The following TNR variants were observed in gnomAD, a reference collection of about 807,000 sequenced individuals.
The protein encoded by TNR is tenascin-R.
In TNR, 45 loss-of-function variants were observed where a neutral mutation model predicts 150.4. That is an observed-to-expected ratio of 0.30 (90% CI 0.24 to 0.38). TNR has a LOEUF of 0.38. TNR is among the 10% of genes least tolerant of loss of function. TNR has a pLI of 1.00. For synonymous variants in TNR, 687 were observed against 678.4 expected (o/e 1.01, Z -0.20); for missense variants, 1,544 against 1,759.1 (o/e 0.88, Z 2.19).
chr1:175,610,024 T>G (rs539272154), intron 1 of TNR, among the ~76,000 whole-genome samples: 339 of 152,240 alleles, frequency 2.2e-3, no homozygotes, highest in Non-Finnish European at 3.8e-3. Flanking sequence ...GAAAGAAAGA[T>G]AGGATGAAGA....
intron 1 of TNR, among the ~76,000 whole-genome samples, chr1:175,603,881 C>T (rs1663327481): frequency 1.3e-5 from 2 of 152,340 alleles, no homozygotes; most frequent in South Asian, 4.1e-4. Context: ...CTGCAGGCTC[C>T]TTCAGGAGAC....
intron 1 of TNR, among the ~76,000 whole-genome samples, chr1:175,693,761 C>T (rs1008830414): frequency 2.6e-5 from 4 of 152,210 alleles, no homozygotes; most frequent in Non-Finnish European, 5.9e-5. Context: ...TCATTTCCAG[C>T]AATGTGTATA....
At chr1:175,699,078 G>A (rs993367111) in intron 1 of TNR, among the ~76,000 whole-genome samples, 3 of 152,182 alleles carry the variant, frequency 2.0e-5, no homozygotes, top group African/African-American at 7.2e-5. Context: ...GGAGACAGGG[G>A]AAGTGATAAG....
chr1:175,543,354 C>T (rs1355439821), intron 1 of TNR, among the ~76,000 whole-genome samples: 1 of 152,052 alleles, frequency 6.6e-6, no homozygotes, highest in African/African-American at 2.4e-5. Context: ...GCTAAGGAAT[C>T]CTGTGAAGCT....
At chr1:175,433,878 C>A (rs1475057515) in intron 2 of TNR, among the ~76,000 whole-genome samples, 1 of 152,174 alleles carries the variant, frequency 6.6e-6, no homozygotes, top group Non-Finnish European at 1.5e-5. Flanking sequence ...ACCACAGTTG[C>A]TCCTTCAGGA....
rs574873546 is a variant in TNR, at chr1:175,443,365, C to T, written c.-63-36588G>A. Among the ~76,000 whole-genome samples the T allele has an allele frequency of 1.5e-4, 23 of 152,296 alleles. 1 individual carries two copies. The highest frequency in any genetic ancestry group is 2.6e-4 in the Admixed American group (4 of 15,294). On this transcript the variant is annotated intron_variant, in intron 2 of 22. Transcript: ENST00000367674. ...CTCTTACCTTGCACAGCAGGACGAT[C>T]GAGGCGTGAATCCTGGCCTAGGATG...
At chr1:175,623,546 C>T (rs760607728) in intron 1 of TNR, among the ~76,000 whole-genome samples, 1 of 152,218 alleles carries the variant, frequency 6.6e-6, no homozygotes, top group Non-Finnish European at 1.5e-5. Context: ...TTTCATTCCA[C>T]ATCAAGCCCC....
chr1:175,697,382 C>A (rs1325196699), intron 1 of TNR, among the ~76,000 whole-genome samples: 12 of 151,318 alleles, frequency 7.9e-5, no homozygotes, highest in Admixed American at 7.9e-4. Flanking sequence ...AAGCTCCTGA[C>A]AGACTCAATT....
chr1:175,426,483 C>T (rs1429595246), intron 2 of TNR, among the ~76,000 whole-genome samples: 1 of 152,222 alleles, frequency 6.6e-6, no homozygotes, highest in East Asian at 1.9e-4. Context: ...AGTGCAACCT[C>T]AGGAGAGCTT....
chr1:175,349,807 TA>T (rs1381224915), intron 18 of TNR, among the ~76,000 whole-genome samples: 3 of 152,312 alleles, frequency 2.0e-5, no homozygotes, highest in Middle Eastern at 3.4e-3. Flanking sequence ...TCAAATGGGA[TA>T]ATTAGTGCCC....
At chr1:175,716,739 C>T (rs144757521) in intron 1 of TNR, among the ~76,000 whole-genome samples, 18 of 152,268 alleles carry the variant, frequency 1.2e-4, no homozygotes, top group African/African-American at 4.1e-4. Context: ...GACATGAGGC[C>T]CAGGAGTTGG....
intron 1 of TNR, among the ~76,000 whole-genome samples, chr1:175,540,254 A>G (rs1660450910): frequency 6.6e-6 from 1 of 152,176 alleles, no homozygotes; most frequent in South Asian, 2.1e-4. Flanking sequence ...GCTGTGGAAG[A>G]AATCTCAGGC....
At position 175,571,182 on chromosome 1, in the gene TNR, C is replaced by A. The variant is rs557117954; in HGVS notation, c.-164-42813G>T. On this transcript the variant is annotated intron_variant, in intron 1 of 22. Transcript: ENST00000367674. ...CCATGACCTTGGCCCAGTTGAGAAGCTATCATAACATGGGACTGCTCCACC... is the reference window on the plus strand; with the variant it reads ...CCATGACCTTGGCCCAGTTGAGAAGATATCATAACATGGGACTGCTCCACC... Among the ~76,000 whole-genome samples, 4 of 152,324 alleles carry A rather than the reference C, an allele frequency of 2.6e-5. No homozygotes were observed. In the South Asian group the frequency reaches 8.3e-4, roughly 32 times the overall value.
At chr1:175,600,152 G>T (rs1663180920) in intron 1 of TNR, among the ~76,000 whole-genome samples, 1 of 152,160 alleles carries the variant, frequency 6.6e-6, no homozygotes, top group African/African-American at 2.4e-5. Context: ...TAACTCCCTT[G>T]TGTGTCAGAG....
chr1:175,538,108 GA>G (rs1340495199), intron 1 of TNR, among the ~76,000 whole-genome samples: 4 of 152,240 alleles, frequency 2.6e-5, no homozygotes, highest in Non-Finnish European at 5.9e-5. Context: ...AGCAGGCCAA[GA>G]TGTCGGAAAC....
At chr1:175,404,938 T>G (rs1449710300) in intron 3 of TNR, among the ~76,000 whole-genome samples, 1 of 152,210 alleles carries the variant, frequency 6.6e-6, no homozygotes, top group Non-Finnish European at 1.5e-5. Context: ...CCATGAAATA[T>G]TTTAGTCCTC....
At position 175,715,391 on chromosome 1, in the gene TNR, C is replaced by G. The variant is rs144000988; in HGVS notation, c.-165+27835G>C. Among the ~76,000 whole-genome samples, 165 of 152,296 alleles carry G rather than the reference C, an allele frequency of 1.1e-3. 1 individual carries two copies. The highest frequency in any genetic ancestry group is 3.8e-3 in the African/African-American group (159 of 41,566). ...TTTCCCTCCACTTCTGAGCTTGCCC[C>G]AAAGGCAGGGAGGTAAACTGAGGAC... On this transcript the variant is annotated intron_variant, in intron 1 of 22. Transcript: ENST00000367674.
In TNR at chr1:175,578,550, G is replaced by T. The variant is rs1558017400; in HGVS notation, c.-164-50181C>A. On this transcript the variant is annotated intron_variant, in intron 1 of 22. Transcript: ENST00000367674. The stretch of plus-strand genomic sequence containing the variant: ...GAGGGGGAGCATTACCTAGATCGAT[G>T]CAGGAACAGTGGGGAGAGAGATGAA... Among the ~76,000 whole-genome samples, 6 of 152,152 alleles carry T rather than the reference G, an allele frequency of 3.9e-5. No individual in the cohort carries two copies. The South Asian group carries it at 1.2e-3, about 32-fold the overall frequency.
chr1:175,709,469 T>C (rs1558084910), intron 1 of TNR, among the ~76,000 whole-genome samples: 1 of 152,182 alleles, frequency 6.6e-6, no homozygotes. Flanking sequence ...ATTAATTAGG[T>C]TTCTGTAGTT....
Sources: gnomAD v4.1 joint callset for allele counts (sites outside exome capture counted in the v4.1 genomes callset) on GRCh38, gnomAD v4.1.1 for gene constraint, MANE v1.5 for transcripts, NCBI Gene and HGNC (gene_info 2026-07-23, HGNC 2026-07-21) for gene names.